The following ICAM3 variants were observed in gnomAD, a reference collection of about 807,000 sequenced individuals.
The protein encoded by ICAM3 is ICAM-3.
Under a neutral mutation model 43.6 loss-of-function variants are expected in ICAM3, and 54 were observed. That is an observed-to-expected ratio of 1.24 (90% CI 0.99 to 1.55). The LOEUF (loss-of-function observed/expected upper bound fraction) is 1.55, where lower values mean the gene tolerates loss of function less well. Among genes scored for constraint, ICAM3 ranks in the 40% most tolerant of loss-of-function variants. The pLI, the probability that ICAM3 is intolerant of heterozygous loss-of-function variation, is 0.00. For synonymous variants in ICAM3, 306 were observed against 312.6 expected, an observed-to-expected ratio of 0.98 and a Z score of 0.22; for missense variants, 715 against 717.9, an observed-to-expected ratio of 1.00 and a Z score of 0.05.
chr19:10,335,772 T>A lies in ICAM3; in HGVS notation c.548A>T (p.Asp183Val), dbSNP rs148683888. The A allele has an allele frequency of 6.2e-7, 1 of 1,612,556 alleles. No individual in the cohort carries two copies. Among genetic ancestry groups the A allele is most frequent in the Non-Finnish European group, 8.5e-7 (1 of 1,179,762 alleles). ...VTATVLASRDDHGAPFSCRTE... is the reference protein window; with the variant it reads ...VTATVLASRDVHGAPFSCRTE... Reference sequence around the variant, plus strand: ...GCGGCATGAGAAAGGGGCTCCGTGGTCGTCTCTGCTGGCCAGCACAGTGGC... The same window carrying A: ...GCGGCATGAGAAAGGGGCTCCGTGGACGTCTCTGCTGGCCAGCACAGTGGC... The change falls in exon 3 of 7, where the codon GAC becomes GTC. Residue 183 changes from aspartate (D) to valine (V), a missense_variant. Physicochemically the swap from Asp to Val is radical, Grantham distance 152. Transcript: ENST00000160262.
chr19:10,335,039 G>T lies in ICAM3; in HGVS notation c.937+27C>A, dbSNP rs1307925846. On this transcript the variant is annotated intron_variant, in intron 4 of 6. Transcript: ENST00000160262. Reference sequence around the variant, plus strand: ...GCCACGCCCCCAGACTGCTGAGGCCGCGCCCCCTTCCCACGCCTCCTCTTA... The same window carrying T: ...GCCACGCCCCCAGACTGCTGAGGCCTCGCCCCCTTCCCACGCCTCCTCTTA... 3 of 1,600,556 alleles carry T rather than the reference G, an allele frequency of 1.9e-6. No individual in the cohort carries two copies. The African/African-American group carries it at 4.0e-5, about 21-fold the overall frequency.
At position 10,334,942 on chromosome 19, in the gene ICAM3, G is replaced by T; in HGVS notation, c.937+124C>A. The T allele has an allele frequency of 6.8e-7, 1 of 1,464,812 alleles. No individual in the cohort carries two copies. The highest frequency in any genetic ancestry group is 1.3e-5 in the South Asian group (1 of 76,056). The allele number at this position is 1,464,812 out of a possible 1,614,324, so 90.7% of individuals were successfully genotyped here. The stretch of plus-strand genomic sequence containing the variant: ...CGCTGTGTCCAGCTTCGGGCACTCA[G>T]GCCCAACCCACGTTGCAACTGCTAT... On this transcript the variant is annotated intron_variant, in intron 4 of 6. Transcript: ENST00000160262. This position sits in a 1 kb window ranked among gnomAD's most constrained non-coding sequence, Gnocchi z 5.5.
At chr19:10,338,490 A>ATCTCTG (rs968203943) in intron 2 of ICAM3, among the ~76,000 whole-genome samples, 192 bp downstream of exon 2, 3 of 151,590 alleles carry the variant, frequency 2.0e-5, no homozygotes, top group African/African-American at 4.8e-5. Context: ...GCGTCTCTAT[A>ATCTCTG]TCTCTGTCTC....
chr19:10,335,463 G>A (rs1390264102), intron 3 of ICAM3, 110 bp from the exon 4 acceptor site: 2 of 1,174,862 alleles, frequency 1.7e-6, no homozygotes, highest in Non-Finnish European at 2.4e-6. Context: ...TTCTTCACAG[G>A]ACACACACAC....
In ICAM3 at chr19:10,334,696, C is replaced by A; in HGVS notation, c.1024G>T (p.Val342Phe). ...VTVSCMAGAR[V>F]QVTLDGVPAA... ...GGAACTCCGTCCAGCGTGACCTGGA[C>A]TCGAGCCCCAGCCATGCAACTCACG... is the stretch of plus-strand genomic sequence containing the variant. Residue 342 changes from valine (V) to phenylalanine (F), a missense_variant, in exon 5 of 7, where the codon GTC becomes TTC. Physicochemically the swap from Val to Phe is conservative, Grantham distance 50. Coordinates refer to ENST00000160262, the MANE Select transcript of ICAM3 (RefSeq NM_002162.5). The surrounding 1 kb of genome is among the most constrained non-coding windows in gnomAD (Gnocchi z 5.5). 1 of 1,613,238 alleles carries A rather than the reference C, an allele frequency of 6.2e-7. No homozygotes were observed. The highest frequency in any genetic ancestry group is 1.7e-4 in the Middle Eastern group (1 of 6,060).
chr19:10,338,882 G>C lies in ICAM3; in HGVS notation c.143C>G (p.Ser48Cys). The C allele has an allele frequency of 1.2e-6, 2 of 1,614,118 alleles. No homozygotes were observed. Among genetic ancestry groups the C allele is most frequent in the Non-Finnish European group, 1.7e-6 (2 of 1,180,032 alleles). Residue 48 changes from serine to cysteine, a missense_variant, in exon 2 of 7, where the codon TCC (serine) becomes TGC (cysteine). Transcript: ENST00000160262. ...ATCAGTACTGCAGTTCACAAACAGG[G>C]ACCCTCCAGCAGAGAGCACAGGGTT... ...PQNPVLSAGG[S>C]LFVNCSTDCP...
Position 10,334,399 on chromosome 19 carries a change from T to C in ICAM3, c.1202A>G (p.Lys401Arg). 1.2e-6 allele frequency: 2 copies of C among 1,614,070 alleles called. No homozygotes were observed. Among genetic ancestry groups the C allele is most frequent in the Non-Finnish European group, 8.5e-7 (1 of 1,179,996 alleles). Residue 401 changes from lysine to arginine, a missense_variant, in exon 6 of 7, where the codon AAA becomes AGA. Physicochemically the swap from Lys to Arg is conservative, Grantham distance 26. Transcript: ENST00000160262. This position sits in a 1 kb window ranked among gnomAD's most constrained non-coding sequence, Gnocchi z 5.5. Reference sequence around the variant, plus strand: ...CTGGGGGCATGTGGCTCGGTCAATTTTGGGACCATCTGTGGAACCACCATG... The same window carrying C: ...CTGGGGGCATGTGGCTCGGTCAATTCTGGGACCATCTGTGGAACCACCATG... ...SVQLRVLYGP[K>R]IDRATCPQHL...
Position 10,333,889 on chromosome 19 carries a change from C to T in ICAM3, c.1612G>A (p.Ala538Thr), listed in dbSNP as rs757861942. The change falls in exon 7 of 7, where the codon GCA (alanine) becomes ACA (threonine). Residue 538 changes from alanine to threonine, a missense_variant. By Grantham distance (58) the Ala-to-Thr change is moderately conservative (BLOSUM62 0). Transcript: ENST00000160262. This position sits in a 1 kb window ranked among gnomAD's most constrained non-coding sequence, Gnocchi z 4.2. ...GCTCTGGACGGTTCTTCCCCCATTG[C>T]TTCTGTCGGCTGCATAGACGTGAGG... ...LPLTSMQPTE[A>T]MGEEPSRAE 1.9e-6 allele frequency: 3 copies of T among 1,614,176 alleles called. No homozygotes were observed. Among genetic ancestry groups the T allele is most frequent in the Non-Finnish European group, 1.7e-6 (2 of 1,180,040 alleles).
rs2040556220 is a variant in ICAM3 at position 10,334,233 on chromosome 19, A to T, written c.1368T>A (p.His456Gln). Residue 456 changes from histidine to glutamine, a missense_variant, in exon 6 of 7, where the codon CAT becomes CAA. Coordinates refer to ENST00000160262, the MANE Select transcript of ICAM3 (RefSeq NM_002162.5). This position sits in a 1 kb window ranked among gnomAD's most constrained non-coding sequence, Gnocchi z 5.5. ...VGIPFFVNVT[H>Q]NGTYQCQASS... ...ACGCTTGGCACTGATAAGTACCATT[A>T]TGTGTTACGTTGACGAAGAACGGGA... 4 of 1,613,822 alleles carry T rather than the reference A, an allele frequency of 2.5e-6. No individual in the cohort carries two copies. Among genetic ancestry groups the T allele is most frequent in the Admixed American group, 1.7e-5 (1 of 59,976 alleles).
intron 1 of ICAM3, 78 bp from the exon 2 acceptor site, chr19:10,339,026 A>C: frequency 1.4e-6 from 2 of 1,465,206 alleles, no homozygotes; most frequent in Non-Finnish European, 9.4e-7. Flanking sequence ...ACCATTTAAC[A>C]CCTCTCTCCT....
Position 10,333,821 on chromosome 19 carries a change from C to T in ICAM3, c.*36G>A, listed in dbSNP as rs757937103. On this transcript the variant is annotated 3_prime_UTR_variant, in exon 7 of 7. Transcript: ENST00000160262. The surrounding 1 kb of genome is among the most constrained non-coding windows in gnomAD (Gnocchi z 4.2). The stretch of plus-strand genomic sequence containing the variant: ...ATTGGTGCGGAATCTGAGGGCACAG[C>T]CAAGCCCCCGCCAACTTTGATCCCG... 1.6e-5 allele frequency: 26 copies of T among 1,600,964 alleles called. No homozygotes were observed. The highest frequency in any genetic ancestry group is 4.3e-6 in the Non-Finnish European group (5 of 1,168,756).
rs2230399 is a variant in ICAM3, at chr19:10,333,927, C to G, written c.1574G>C (p.Ser525Thr). 142,395 of 1,613,934 alleles carry G rather than the reference C, an allele frequency of 0.088. 7,305 individuals carry two copies. Among genetic ancestry groups the G allele is most frequent in the African/African-American group, 0.21 (15,719 of 74,946 alleles). The change falls in exon 7 of 7, where the codon AGC becomes ACC. Residue 525 changes from serine to threonine, a missense_variant. Transcript: ENST00000160262. The surrounding 1 kb of genome is among the most constrained non-coding windows in gnomAD (Gnocchi z 4.2). The part of the protein sequence containing the change: ...RSGSYHVREE[S>T]TYLPLTSMQP... ...CATAGACGTGAGGGGCAGATAGGTG[C>G]TCTCCTCCCTAACATGGTAACTGCC...
Position 10,335,269 on chromosome 19 carries a change from C to T in ICAM3, c.734G>A (p.Gly245Glu), listed in dbSNP as rs2040581371. Residue 245 changes from glycine to glutamate, a missense_variant, in exon 4 of 7, where the codon GGG becomes GAG. Physicochemically the swap from Gly to Glu is moderately conservative, Grantham distance 98 (BLOSUM62 -2). Transcript: ENST00000160262. Reference sequence around the variant, plus strand: ...CTGGGCCTCTGAGGCTGGAAAAAGCCCGTCTAGGGTGCAGTCCACCGGCCA... The same window carrying T: ...CTGGGCCTCTGAGGCTGGAAAAAGCTCGTCTAGGGTGCAGTCCACCGGCCA... The part of the protein sequence containing the change: ...TSWPVDCTLD[G>E]LFPASEAQVY... 1.2e-6 allele frequency: 2 copies of T among 1,613,306 alleles called. No homozygotes were observed. Among genetic ancestry groups the T allele is most frequent in the African/African-American group, 1.3e-5 (1 of 74,894 alleles).
chr19:10,339,619 A>T lies in ICAM3; in HGVS notation c.-5T>A, dbSNP rs754545773. On this transcript the variant is annotated 5_prime_UTR_variant, in exon 1 of 7. Coordinates refer to ENST00000160262, the MANE Select transcript of ICAM3 (RefSeq NM_002162.5). Reference sequence around the variant, plus strand: ...GGATGGTACCATGGTGGCCATTCTGACAGAGGAAGGTGCCTTCCTGAGGTG... The same window carrying T: ...GGATGGTACCATGGTGGCCATTCTGTCAGAGGAAGGTGCCTTCCTGAGGTG... 1 of 1,613,104 alleles carries T rather than the reference A, an allele frequency of 6.2e-7. No individual in the cohort carries two copies. The highest frequency in any genetic ancestry group is 8.5e-7 in the Non-Finnish European group (1 of 1,179,628).
intron 2 of ICAM3, 65 bp from the exon 3 acceptor site, chr19:10,336,041 TG>T: frequency 7.0e-7 from 1 of 1,424,484 alleles, no homozygotes; most frequent in Non-Finnish European, 9.3e-7. Flanking sequence ...CCCCAGGGAC[TG>T]GGGAGGAGAC....
intron 1 of ICAM3, chr19:10,339,266 C>T (rs1370861334): frequency 3.1e-5 from 18 of 577,738 alleles, no homozygotes; most frequent in South Asian, 1.1e-4. Flanking sequence ...GAAGCACATA[C>T]GCAAAGGGCA....
At position 10,335,088 on chromosome 19, in the gene ICAM3, GGCCTCCC is replaced by G. The variant is rs1221189806; in HGVS notation, c.908_914del (p.Arg303ProfsTer5). The G allele has an allele frequency of 6.2e-7, 1 of 1,613,186 alleles. No homozygotes were observed. The highest frequency in any genetic ancestry group is 2.2e-5 in the East Asian group (1 of 44,852). On this transcript the variant is annotated frameshift_variant, in exon 4 of 7. Transcript: ENST00000160262. LOFTEE classifies it high-confidence loss of function. Reference sequence around the variant, plus strand: ...TACTAAAGACCGTCAAGTTCTCCCGGGCCTCCCGTCTCTCGCCCCCTAGGGTCACGTT... The same window carrying G: ...TACTAAAGACCGTCAAGTTCTCCCGGGTCTCTCGCCCCCTAGGGTCACGTT...
rs769226030 is a variant in ICAM3, at chr19:10,335,172, T to TGTGGCC, written c.825_830dup (p.Thr281_Ala282dup). 5.6e-6 allele frequency: 9 copies of TGTGGCC among 1,613,504 alleles called. No individual in the cohort carries two copies. Among genetic ancestry groups the TGTGGCC allele is most frequent in the Non-Finnish European group, 6.8e-6 (8 of 1,180,012 alleles). ...GATCCGCGCGCGCCGTGGCTGTGGC[T>TGTGGCC]GTGGCCGTTAGCGTGTCCCCGTGGT... On this transcript the variant is annotated inframe_insertion, in exon 4 of 7. Coordinates refer to ENST00000160262, the MANE Select transcript of ICAM3 (RefSeq NM_002162.5).
At chr19:10,335,569 G>T in intron 3 of ICAM3, 102 bp downstream of exon 3, 1 of 1,272,698 alleles carries the variant, frequency 7.9e-7, no homozygotes, top group Non-Finnish European at 1.1e-6. Context: ...CTTCCCAGAA[G>T]CCTGTGAGGT....
Sources: allele counts gnomAD v4.1 joint callset (sites outside exome capture counted in the v4.1 genomes callset), GRCh38; gene constraint gnomAD v4.1.1; non-coding constraint Gnocchi (gnomAD v3.1); transcripts MANE v1.5; gene names NCBI Gene and HGNC (gene_info 2026-07-23, HGNC 2026-07-21).